The following RCN2 variants were observed in gnomAD, a reference collection of about 807,000 sequenced individuals.
The protein encoded by RCN2 is reticulocalbin 2, also known as reticulocalbin-2.
RCN2 carries 23 observed loss-of-function variants against 37.5 expected under a neutral mutation model. The ratio of observed to expected loss-of-function variants is 0.61; its 90% confidence interval spans 0.44 to 0.87. RCN2 has a LOEUF of 0.87. Among genes scored for constraint, RCN2 ranks in the 40% least tolerant of loss-of-function variants. RCN2 has a pLI of 0.00. For synonymous variants in RCN2, 140 were observed against 144.6 expected (o/e 0.97, Z 0.23); for missense variants, 381 against 390.4 (o/e 0.98, Z 0.20).
chr15:76,936,256 T>C (rs2075247201), intron 3 of RCN2, among the ~76,000 whole-genome samples: 1 of 152,016 alleles, frequency 6.6e-6, no homozygotes, highest in Non-Finnish European at 1.5e-5. Context: ...AGTATAACAA[T>C]GATTTATTTC....
rs2075331502 is a variant in RCN2, at chr15:76,953,568, TATATATATA to T, written c.*4347_*4355del. ...CATATAGTAATTCTATATATATATATATATATATATATATATATATATATATTTTTTTTT... is the reference window on the plus strand; with the variant it reads ...CATATAGTAATTCTATATATATATATTATATATATATATATATTTTTTTTT... On this transcript the variant is annotated 3_prime_UTR_variant, in exon 7 of 7. Coordinates refer to ENST00000394885, the MANE Select transcript of RCN2 (RefSeq NM_002902.3). 1 of 16,236 alleles carries T rather than the reference TATATATATA, an allele frequency of 6.2e-5. No individual in the cohort carries two copies. Among genetic ancestry groups the T allele is most frequent in the South Asian group, 2.0e-3 (1 of 492 alleles). The allele number at this position is 16,236 out of a possible 1,614,324, so 1.0% of individuals were successfully genotyped here. A position where few individuals can be genotyped will look rare whatever the true frequency, so the allele number is the denominator to read the frequency against.
chr15:76,946,570 G>A (rs979904772), intron 4 of RCN2, among the ~76,000 whole-genome samples: 2 of 152,158 alleles, frequency 1.3e-5, no homozygotes, highest in Admixed American at 1.3e-4. Context: ...TTGCCAACAT[G>A]GCAAAACACT....
chr15:76,945,806 T>A (rs2075294445), intron 4 of RCN2, among the ~76,000 whole-genome samples: 1 of 152,204 alleles, frequency 6.6e-6, no homozygotes, highest in Admixed American at 6.5e-5. Context: ...TAAGACACTG[T>A]CATTAATACC....
rs576485582 is a variant in RCN2 at position 76,935,863 on chromosome 15, C to A, written c.447+141C>A. 54 of 573,894 alleles carry A rather than the reference C, an allele frequency of 9.4e-5. No individual in the cohort carries two copies. The East Asian group carries it at 1.4e-3, about 15-fold the overall frequency. 35.6% of individuals were successfully genotyped at this position (573,894 alleles called of 1,614,324 possible). On this transcript the variant is annotated intron_variant, in intron 3 of 6. Coordinates refer to ENST00000394885, the MANE Select transcript of RCN2 (RefSeq NM_002902.3). ...AAATCACCTGTTCCACTTCAGCAGTCATTTTGATGGTTTCCTTTCTGGCCA... is the reference window on the plus strand; with the variant it reads ...AAATCACCTGTTCCACTTCAGCAGTAATTTTGATGGTTTCCTTTCTGGCCA...
At chr15:76,936,820 C>T (rs577848569) in intron 3 of RCN2, among the ~76,000 whole-genome samples, 1 of 152,106 alleles carries the variant, frequency 6.6e-6, no homozygotes, top group Admixed American at 6.5e-5. Flanking sequence ...CCATTGTAAC[C>T]ATTTTAAAGT....
intron 4 of RCN2, among the ~76,000 whole-genome samples, chr15:76,944,607 G>A: frequency 6.6e-6 from 1 of 152,134 alleles, no homozygotes; most frequent in East Asian, 1.9e-4. Context: ...CCACAAATGA[G>A]TGAGAACATG....
rs2075317446 is a variant in RCN2 at position 76,950,785 on chromosome 15, C to T, written c.*1563C>T. On this transcript the variant is annotated 3_prime_UTR_variant, in exon 7 of 7. Transcript: ENST00000394885. ...TTCCAGCCTAAAGTTGTCTCATATA[C>T]AGCACACTGGGGGCTCAACAAGTAC... 1 of 152,186 alleles carries T rather than the reference C, an allele frequency of 6.6e-6. No individual in the cohort carries two copies. Among genetic ancestry groups the T allele is most frequent in the African/African-American group, 2.4e-5 (1 of 41,438 alleles). 9.4% of individuals were successfully genotyped at this position (152,186 alleles called of 1,614,324 possible).
At chr15:76,936,110 A>C (rs2152649706) in intron 3 of RCN2, among the ~76,000 whole-genome samples, 1 of 152,326 alleles carries the variant, frequency 6.6e-6, no homozygotes, top group South Asian at 2.1e-4. Context: ...TCACTTAAAA[A>C]AACTGCGGTT....
intron 3 of RCN2, among the ~76,000 whole-genome samples, chr15:76,940,301 T>TAA (rs529669490): frequency 6.9e-6 from 1 of 144,628 alleles, no homozygotes; most frequent in Non-Finnish European, 1.5e-5. Flanking sequence ...CTTGTCCCTT[T>TAA]AAAAAAAAAA....
At chr15:76,946,145 G>A (rs1200090529) in intron 4 of RCN2, among the ~76,000 whole-genome samples, 1 of 152,218 alleles carries the variant, frequency 6.6e-6, no homozygotes, top group Non-Finnish European at 1.5e-5. Flanking sequence ...TACTAAATAA[G>A]TGTTAAGGGA....
intron 2 of RCN2, 125 bp downstream of exon 2, chr15:76,932,591 T>C: frequency 2.9e-6 from 2 of 686,184 alleles, no homozygotes; most frequent in South Asian, 1.6e-5. Context: ...GAAAAGGACA[T>C]GGAGAATAGG....
Position 76,931,752 on chromosome 15 carries a change from T to A in RCN2, c.-90T>A. On this transcript the variant is annotated 5_prime_UTR_variant, in exon 1 of 7. Transcript: ENST00000394885. ...CCCTCAACGTACGTCGCACCGCCTCTCTGTAGCCGCCCGCGGAGCATCGCA... is the reference window on the plus strand; with the variant it reads ...CCCTCAACGTACGTCGCACCGCCTCACTGTAGCCGCCCGCGGAGCATCGCA... 1.9e-6 allele frequency: 2 copies of A among 1,047,334 alleles called. No homozygotes were observed. The highest frequency in any genetic ancestry group is 2.4e-6 in the Non-Finnish European group (2 of 834,446). 64.9% of individuals were successfully genotyped at this position (1,047,334 alleles called of 1,614,324 possible).
chr15:76,933,651 C>T (rs769506273), intron 2 of RCN2, among the ~76,000 whole-genome samples: 13 of 152,184 alleles, frequency 8.5e-5, no homozygotes, highest in Admixed American at 2.0e-4. Flanking sequence ...AGAAGAAAAG[C>T]TTGAGATGGT....
At position 76,953,561 on chromosome 15, in the gene RCN2, A is replaced by AT. The variant is rs1362236671; in HGVS notation, c.*4340dup. On this transcript the variant is annotated 3_prime_UTR_variant, in exon 7 of 7. Transcript: ENST00000394885. ...GCTGGATCATATAGTAATTCTATAT[A>AT]TATATATATATATATATATATATAT... The AT allele has an allele frequency of 5.6e-4, 6 of 10,620 alleles. No individual in the cohort carries two copies. Among genetic ancestry groups the AT allele is most frequent in the African/African-American group, 3.3e-3 (6 of 1,818 alleles). The allele number at this position is 10,620 out of a possible 1,614,324, so 0.7% of individuals were successfully genotyped here.
chr15:76,944,260 C>G (rs1002019116), intron 4 of RCN2, among the ~76,000 whole-genome samples: 1 of 151,932 alleles, frequency 6.6e-6, no homozygotes, highest in Non-Finnish European at 1.5e-5. Context: ...GGATTATAAG[C>G]GTGAGCCACC....
chr15:76,947,385 A>G lies in RCN2; in HGVS notation c.562-36A>G. The G allele has an allele frequency of 2.2e-6, 3 of 1,364,978 alleles. 1 individual carries two copies. In the South Asian group the frequency reaches 3.7e-5, roughly 17 times the overall value. 84.6% of individuals were successfully genotyped at this position (1,364,978 alleles called of 1,614,324 possible). A position where few individuals can be genotyped will look rare whatever the true frequency, so the allele number is the denominator to read the frequency against. On this transcript the variant is annotated intron_variant, in intron 4 of 6. Transcript: ENST00000394885. Reference sequence around the variant, plus strand: ...ATGGCAGTGGGACTGAACATTTTGTAACTTTTTTTTTTCTTTTTTAATGAA... The same window carrying G: ...ATGGCAGTGGGACTGAACATTTTGTGACTTTTTTTTTTCTTTTTTAATGAA...
At chr15:76,936,393 G>C (rs1010399558) in intron 3 of RCN2, among the ~76,000 whole-genome samples, 1 of 152,248 alleles carries the variant, frequency 6.6e-6, no homozygotes, top group South Asian at 2.1e-4. Flanking sequence ...GTGTGGCGGG[G>C]GGGTGGGGAA....
chr15:76,953,648 C>T lies in RCN2; in HGVS notation c.*4426C>T, dbSNP rs1367957821. On this transcript the variant is annotated 3_prime_UTR_variant, in exon 7 of 7. Transcript: ENST00000394885. ...TTTGAGACGGAGTCTCGCTCTGTCG[C>T]CCAGGCTGGAGTGCAGTGGCGCGAT... The T allele has an allele frequency of 9.0e-4, 104 of 115,372 alleles. 1 individual carries two copies. Among genetic ancestry groups the T allele is most frequent in the Middle Eastern group, 7.4e-3 (1 of 136 alleles). 7.1% of individuals were successfully genotyped at this position (115,372 alleles called of 1,614,324 possible).
intron 2 of RCN2, among the ~76,000 whole-genome samples, chr15:76,933,129 G>A (rs1228060186): frequency 6.6e-6 from 1 of 152,124 alleles, no homozygotes; most frequent in Non-Finnish European, 1.5e-5. Context: ...GAAATGAAAT[G>A]CACAGACTAT....
Sources: allele counts gnomAD v4.1 joint callset (sites outside exome capture counted in the v4.1 genomes callset), GRCh38; gene constraint gnomAD v4.1.1; transcripts MANE v1.5; gene names NCBI Gene and HGNC (gene_info 2026-07-23, HGNC 2026-07-21).